The following ADSL variants were observed in gnomAD, a reference collection of about 807,000 sequenced individuals.
ADSL encodes the protein adenylosuccinase.
In ADSL, 44 loss-of-function variants were observed where a neutral mutation model predicts 62.1. The ratio of observed to expected loss-of-function variants is 0.71; its 90% CI spans 0.56 to 0.91. The LOEUF is 0.91. Among genes scored for constraint, ADSL ranks in the 40% least tolerant of loss-of-function variants. The probability of loss-of-function intolerance (pLI) is 0.00; values close to 1 mark genes in which losing one functional copy is unlikely to be tolerated. For missense variants in ADSL, 531 were observed against 627.4 expected, an observed-to-expected ratio of 0.85 and a Z score of 1.64; for synonymous variants, 198 against 220.5, an observed-to-expected ratio of 0.90 and a Z score of 0.90.
Position 40,364,364 on chromosome 22 carries a change from A to G in ADSL, c.1190A>G (p.Gln397Arg), listed in dbSNP as rs1455036976. The change falls in exon 11 of 13, where the codon CAG becomes CGG. Residue 397 changes from glutamine to arginine, a missense_variant and splice_region_variant. By Grantham distance (43) the Gln-to-Arg change is conservative. Transcript: ENST00000623063. ...MAMVKAGGSR[Q>R]DCHEKIRVLS... The stretch of plus-strand genomic sequence containing the variant: ...ATGGTCAAAGCTGGAGGTAGCCGCC[A>G]GGTTTGTAACCCCTCATGTTCCTGG... The G allele has an allele frequency of 2.5e-6, 4 of 1,613,674 alleles. No individual in the cohort carries two copies. In the African/African-American group the frequency reaches 4.0e-5, roughly 16 times the overall value.
intron 2 of ADSL, among the ~76,000 whole-genome samples, chr22:40,381,462 A>C (rs1465854758): frequency 1.3e-5 from 2 of 152,192 alleles, no homozygotes; most frequent in African/African-American, 4.8e-5. Context: ...AGGCATTTTA[A>C]CGATGCAAGA....
In ADSL at chr22:40,359,322, T is replaced by A. The variant is rs372676656; in HGVS notation, c.701+16T>A. On this transcript the variant is annotated intron_variant, in intron 6 of 12. Transcript: ENST00000623063. The stretch of plus-strand genomic sequence containing the variant: ...GATTTAAGAGGTAGGTAAATGGGAA[T>A]GTGTTGGCCTCCCTGTTAAGTTGAT... The A allele has an allele frequency of 6.2e-7, 1 of 1,613,016 alleles. No individual in the cohort carries two copies. Among genetic ancestry groups the A allele is most frequent in the African/African-American group, 1.3e-5 (1 of 74,868 alleles).
intron 10 of ADSL, 91 bp downstream of exon 10, chr22:40,363,162 C>T: frequency 8.2e-7 from 1 of 1,221,200 alleles, no homozygotes; most frequent in South Asian, 1.2e-5. Flanking sequence ...GAGCTGTATT[C>T]TGATCCGATA....
intron 2 of ADSL, among the ~76,000 whole-genome samples, chr22:40,383,691 A>G (rs1397804491): frequency 6.6e-6 from 1 of 152,170 alleles, no homozygotes; most frequent in Admixed American, 6.6e-5. Flanking sequence ...CTTAGGGTAC[A>G]TGAAGGGAAA....
chr22:40,372,696 C>A (rs1343065156), downstream of ADSL: 5 of 152,208 alleles, frequency 3.3e-5, no homozygotes, highest in Admixed American at 3.3e-4. Flanking sequence ...ATAATCATCT[C>A]TTTTATTTTA....
chr22:40,350,042 G>A lies in ADSL; in HGVS notation c.357+7G>A, dbSNP rs199993991. On this transcript the variant is annotated splice_region_variant and intron_variant, in intron 2 of 12. Coordinates refer to ENST00000623063, the MANE Select transcript of ADSL (RefSeq NM_000026.4). ...CTATGTTGGAGACAATACTGTAGGC[G>A]CCTGTGTTGTTTATACTTAAAACTC... The A allele has an allele frequency of 1.7e-4, 277 of 1,612,070 alleles. No homozygotes were observed. The highest frequency in any genetic ancestry group is 5.0e-4 in the Middle Eastern group (3 of 6,052).
chr22:40,380,411 G>A (rs891469101), intron 2 of ADSL, among the ~76,000 whole-genome samples: 4 of 145,740 alleles, frequency 2.7e-5, no homozygotes, highest in African/African-American at 1.0e-4. Flanking sequence ...CTGTCACCCA[G>A]GCTGGAGTGC....
At chr22:40,378,140 C>T (rs1365903976) in intron 2 of ADSL, 3 of 152,122 alleles carry the variant, frequency 2.0e-5, no homozygotes, top group Non-Finnish European at 4.4e-5. Context: ...GTTTAGTAAT[C>T]TAATGGGGAC....
At chr22:40,372,974 A>G (rs2045881315), downstream of ADSL, 1 of 152,250 alleles carries the variant, frequency 6.6e-6, no homozygotes, top group Admixed American at 6.5e-5. Flanking sequence ...TGGGAATAGC[A>G]CAATGAGTGT....
intron 10 of ADSL, 32 bp from the exon 11 acceptor site, chr22:40,364,244 T>G: frequency 6.2e-7 from 1 of 1,601,926 alleles, no homozygotes; most frequent in Non-Finnish European, 8.5e-7. Context: ...TGAGGCACCT[T>G]TCTTGGTCAT....
chr22:40,346,909 C>G (rs2044164557), intron 1 of ADSL, among the ~76,000 whole-genome samples, 198 bp downstream of exon 1: 1 of 152,192 alleles, frequency 6.6e-6, no homozygotes, highest in African/African-American at 2.4e-5. Flanking sequence ...TGTTGCCTCA[C>G]GTGTTCTCAG....
Position 40,366,505 on chromosome 22 carries a change from G to C in ADSL, c.1438G>C (p.Ala480Pro). Reference protein sequence around the residue: ...KPYESVMKVKAELCL With the variant: ...KPYESVMKVKPELCL ...ATATGAAAGCGTGATGAAGGTGAAA[G>C]CAGAATTATGTCTGTAGAGTTGGAA... The change falls in exon 13 of 13, where the codon GCA becomes CCA. Residue 480 changes from alanine (A) to proline (P), a missense_variant. Transcript: ENST00000623063. 1 of 1,610,784 alleles carries C rather than the reference G, an allele frequency of 6.2e-7. No homozygotes were observed. Among genetic ancestry groups the C allele is most frequent in the East Asian group, 2.2e-5 (1 of 44,860 alleles).
intron 6 of ADSL, among the ~76,000 whole-genome samples, chr22:40,359,822 T>C (rs1167400354): frequency 2.0e-5 from 3 of 152,210 alleles, no homozygotes; most frequent in African/African-American, 7.2e-5. Flanking sequence ...TGAGCCACCA[T>C]GCCTGACCTG....
At chr22:40,353,891 G>T (rs1388080361) in intron 3 of ADSL, 3 of 360,310 alleles carry the variant, frequency 8.3e-6, no homozygotes, top group Non-Finnish European at 1.6e-5. Context: ...CTCACAAAGT[G>T]CTGGGATTAC....
chr22:40,357,841 G>A (rs79536767), intron 4 of ADSL, among the ~76,000 whole-genome samples: 76 of 151,764 alleles, frequency 5.0e-4, no homozygotes, highest in African/African-American at 1.5e-3. Context: ...TCACAGTCTC[G>A]GCTCATTGCA....
At chr22:40,348,333 G>A (rs1035782412) in intron 1 of ADSL, 8 of 397,412 alleles carry the variant, frequency 2.0e-5, no homozygotes, top group African/African-American at 8.2e-5. Context: ...TGTGGCTGCC[G>A]AGTACTTGAA....
chr22:40,384,797 A>G lies in ADSL; in HGVS notation c.90-5433A>G, dbSNP rs1034764139. ...CTCCACCTCAAAAAAAAAGAAATAC[A>G]TATTTTAATGTGTTGTGGTATATAG... On this transcript the variant is annotated intron_variant, in intron 2 of 2. Coordinates refer to the ADSL transcript ENST00000498234. Among the ~76,000 whole-genome samples, 7 of 152,314 alleles carry G rather than the reference A, an allele frequency of 4.6e-5. No homozygotes were observed. The South Asian group carries it at 1.0e-3, about 23-fold the overall frequency.
At chr22:40,371,265 C>G (rs1346947559), downstream of ADSL, among the ~76,000 whole-genome samples, 2 of 152,170 alleles carry the variant, frequency 1.3e-5, no homozygotes, top group South Asian at 4.1e-4. Context: ...GAAAATTATT[C>G]TCATACTTAG....
intron 1 of ADSL, among the ~76,000 whole-genome samples, chr22:40,347,073 C>G (rs2044171797): frequency 6.6e-6 from 1 of 152,250 alleles, no homozygotes; most frequent in Non-Finnish European, 1.5e-5. Context: ...CTAATCTTTT[C>G]TTGTGTAATC....
Sources: gnomAD v4.1 joint callset for allele counts (sites outside exome capture counted in the v4.1 genomes callset) on GRCh38, gnomAD v4.1.1 for gene constraint, MANE v1.5 for transcripts, NCBI Gene and HGNC (gene_info 2026-07-23, HGNC 2026-07-21) for gene names.